The following SPP1 variants were observed in gnomAD, a reference collection of about 807,000 sequenced individuals.
SPP1 encodes secreted phosphoprotein 1, also known as osteopontin.
SPP1 carries 18 observed loss-of-function variants against 20.8 expected under a neutral mutation model. The observed-to-expected ratio is 0.87, with a 90% CI of 0.60 to 1.29. The LOEUF (loss-of-function observed/expected upper bound fraction) is 1.29, where lower values mean the gene tolerates loss of function less well. Among genes scored for constraint, SPP1 ranks in the 50% most tolerant of loss-of-function variants. SPP1 has a pLI of 0.00. For missense variants in SPP1, 363 were observed against 389.0 expected, an observed-to-expected ratio of 0.93 and a Z score of 0.56; for synonymous variants, 146 against 141.5, an observed-to-expected ratio of 1.03 and a Z score of -0.23.
intron 5 of SPP1, 158 bp downstream of exon 5, chr4:87,980,592 A>G: frequency 1.4e-6 from 1 of 698,780 alleles, no homozygotes; most frequent in East Asian, 2.8e-5. Context: ...ACTAAATATC[A>G]GAAATACTAG....
intron 5 of SPP1, 21 bp from the exon 6 acceptor site, chr4:87,981,454 C>A: frequency 6.2e-7 from 1 of 1,604,142 alleles, no homozygotes; most frequent in Non-Finnish European, 8.5e-7. Context: ...TATTAATTTT[C>A]CCGGCCATCT....
At chr4:87,981,021 A>G (rs996765560) in intron 5 of SPP1, among the ~76,000 whole-genome samples, 1 of 152,192 alleles carries the variant, frequency 6.6e-6, no homozygotes, top group Non-Finnish European at 1.5e-5. Flanking sequence ...TCAATTATCC[A>G]TGTTAATAGG....
At chr4:87,976,999 G>A in intron 2 of SPP1, 50 bp downstream of exon 2, 3 of 1,612,198 alleles carry the variant, frequency 1.9e-6, no homozygotes, top group Non-Finnish European at 1.7e-6. Flanking sequence ...ACTGAATTGT[G>A]TGCTTCCATG....
intron 3 of SPP1, among the ~76,000 whole-genome samples, chr4:87,978,678 G>A (rs1393899777): frequency 2.6e-5 from 4 of 152,018 alleles, no homozygotes; most frequent in Non-Finnish European, 5.9e-5. Context: ...CACTGCGCCC[G>A]GCTGTTTTTT....
At chr4:87,977,626 G>A (rs1036706213) in intron 3 of SPP1, 6 of 1,102,722 alleles carry the variant, frequency 5.4e-6, no homozygotes, top group African/African-American at 3.3e-5. Flanking sequence ...CCAAACATAA[G>A]ACCAACCAAA....
Position 87,979,161 on chromosome 4 carries a change from C to CT in SPP1, c.94-864dup, listed in dbSNP as rs10596032. 7.0e-3 allele frequency among the ~76,000 whole-genome samples: 748 copies of CT among 107,208 alleles called. 7 individuals are homozygous for CT. The highest frequency in any genetic ancestry group is 0.014 in the East Asian group (49 of 3,558). The allele number at this position is 107,208 out of a possible 152,430, so 70.3% of individuals were successfully genotyped here. ...AACTGAGGAACTGAATTTTTATCTT[C>CT]TTTTTTTTTTTTTTTTTTTTTGAGA... On this transcript the variant is annotated intron_variant, in intron 3 of 6. Coordinates refer to ENST00000395080, the MANE Select transcript of SPP1 (RefSeq NM_001040058.2).
At chr4:87,981,225 G>T (rs1725625708) in intron 5 of SPP1, among the ~76,000 whole-genome samples, 1 of 152,070 alleles carries the variant, frequency 6.6e-6, no homozygotes, top group South Asian at 2.1e-4. Context: ...TCACATATTT[G>T]GCTTGAAAAT....
chr4:87,977,906 T>G (rs1725450390), intron 3 of SPP1: 1 of 1,044,850 alleles, frequency 9.6e-7, no homozygotes, highest in Admixed American at 4.5e-5. Context: ...TTCAACTGAT[T>G]TGAAAATACA....
At chr4:87,980,205 T>C in intron 4 of SPP1, 79 bp downstream of exon 4, 1 of 1,545,606 alleles carries the variant, frequency 6.5e-7, no homozygotes. Flanking sequence ...CTCAGATGAA[T>C]CCTGCCTGCC....
rs147946231 is a variant in SPP1, at chr4:87,980,520, C to T, written c.216+86C>T. On this transcript the variant is annotated intron_variant, in intron 5 of 6. Coordinates refer to ENST00000395080, the MANE Select transcript of SPP1 (RefSeq NM_001040058.2). The stretch of plus-strand genomic sequence containing the variant: ...CCTGGATTCTCTTCTGATGAAATTT[C>T]ATTAGCAAGTTTTCCAGCTAATTGG... 1,281 of 1,444,828 alleles carry T rather than the reference C, an allele frequency of 8.9e-4. 13 individuals are homozygous for T. In the African/African-American group the frequency reaches 0.016, roughly 18 times the overall value. The allele number at this position is 1,444,828 out of a possible 1,614,324, so 89.5% of individuals were successfully genotyped here.
Position 87,982,737 on chromosome 4 carries a change from TAGTC to T in SPP1, c.789_792del (p.Ser263ArgfsTer24), listed in dbSNP as rs1725711977. 2 of 1,614,052 alleles carry T rather than the reference TAGTC, an allele frequency of 1.2e-6. No homozygotes were observed. Among genetic ancestry groups the T allele is most frequent in the African/African-American group, 1.3e-5 (1 of 74,926 alleles). ...GCAATGAGCATTCCGATGTGATTGATAGTCAGGAACTTTCCAAAGTCAGCCGTGA... is the reference window on the plus strand; with the variant it reads ...GCAATGAGCATTCCGATGTGATTGATAGGAACTTTCCAAAGTCAGCCGTGA... On this transcript the variant is annotated frameshift_variant, in exon 7 of 7. Transcript: ENST00000395080. LOFTEE classifies it low-confidence loss of function (END_TRUNC).
rs371560904 is a variant in SPP1, at chr4:87,980,032, C to T, written c.94-14C>T. The T allele has an allele frequency of 3.7e-6, 6 of 1,612,544 alleles. No individual in the cohort carries two copies. In the African/African-American group the frequency reaches 8.0e-5, roughly 22 times the overall value. ...TCTTTTTTTAATAATGATAAACATG[C>T]AACTTTTTTGTAGCTTTACAACAAA... On this transcript the variant is annotated splice_polypyrimidine_tract_variant and intron_variant, in intron 3 of 6. Coordinates refer to ENST00000395080, the MANE Select transcript of SPP1 (RefSeq NM_001040058.2).
At position 87,983,002 on chromosome 4, in the gene SPP1, G is replaced by A. The variant is rs1725726122; in HGVS notation, c.*106G>A. The A allele has an allele frequency of 8.8e-7, 1 of 1,137,110 alleles. No homozygotes were observed. The allele number at this position is 1,137,110 out of a possible 1,614,324, so 70.4% of individuals were successfully genotyped here. A position where few individuals can be genotyped will look rare whatever the true frequency, so the allele number is the denominator to read the frequency against. ...ATGCTTCTTTCTCAGTTTATTGGTT[G>A]AATGTGTATCTATTTGAGTCTGGAA... is the stretch of plus-strand genomic sequence containing the variant. On this transcript the variant is annotated 3_prime_UTR_variant, in exon 7 of 7. Coordinates refer to ENST00000395080, the MANE Select transcript of SPP1 (RefSeq NM_001040058.2).
intron 5 of SPP1, 33 bp from the exon 6 acceptor site, chr4:87,981,442 T>C (rs1725636654): frequency 1.3e-6 from 2 of 1,579,990 alleles, no homozygotes; most frequent in South Asian, 1.1e-5. Flanking sequence ...TAAAAACCCA[T>C]ATATTAATTT....
At position 87,982,517 on chromosome 4, in the gene SPP1, T is replaced by A. The variant is rs762490095; in HGVS notation, c.566T>A (p.Ile189Asn). ...IQYPDATDED[I>N]TSHMESEELN... ...TACCCTGATGCTACAGACGAGGACA[T>A]CACCTCACACATGGAAAGCGAGGAG... The change falls in exon 7 of 7, where the codon ATC becomes AAC. Residue 189 changes from isoleucine (I) to asparagine (N), a missense_variant. Ile to Asn is a moderately radical substitution (Grantham distance 149, BLOSUM62 -3). Transcript: ENST00000395080. 2.5e-6 allele frequency: 4 copies of A among 1,613,966 alleles called. No individual in the cohort carries two copies. The highest frequency in any genetic ancestry group is 2.2e-5 in the East Asian group (1 of 44,884).
rs777676905 is a variant in SPP1 at position 87,977,682 on chromosome 4, C to T, written c.93+585C>T. Reference sequence around the variant, plus strand: ...ACCAGCACTAAAGATGTACCTACCCCTCCACAACAGATGAAACTGTGCCAG... The same window carrying T: ...ACCAGCACTAAAGATGTACCTACCCTTCCACAACAGATGAAACTGTGCCAG... On this transcript the variant is annotated intron_variant, in intron 3 of 6. Coordinates refer to ENST00000395080, the MANE Select transcript of SPP1 (RefSeq NM_001040058.2). The T allele has an allele frequency of 8.0e-6, 10 of 1,249,868 alleles. No individual in the cohort carries two copies. In the African/African-American group the frequency reaches 1.4e-4, roughly 17 times the overall value. 77.4% of individuals were successfully genotyped at this position (1,249,868 alleles called of 1,614,324 possible).
In SPP1 at chr4:87,977,074, T is replaced by G; in HGVS notation, c.70T>G (p.Ser24Ala). Reference sequence around the variant, plus strand: ...TGTTTCTAAGGTTAAACAGGCTGATTCTGGAAGTTCTGAGGAAAAGCAGGT... The same window carrying G: ...TGTTTCTAAGGTTAAACAGGCTGATGCTGGAAGTTCTGAGGAAAAGCAGGT... Reference protein sequence around the residue: ...TCAIPVKQADSGSSEEKQLYN... With the variant: ...TCAIPVKQADAGSSEEKQLYN... Residue 24 changes from serine to alanine, a missense_variant, in exon 3 of 7, where the codon TCT (serine) becomes GCT (alanine). Physicochemically the swap from Ser to Ala is moderately conservative, Grantham distance 99. Transcript: ENST00000395080. 6.2e-7 allele frequency: 1 copy of G among 1,613,974 alleles called. No individual in the cohort carries two copies. The highest frequency in any genetic ancestry group is 8.5e-7 in the Non-Finnish European group (1 of 1,179,980).
chr4:87,981,932 T>A, intron 6 of SPP1, 134 bp downstream of exon 6: 1 of 799,704 alleles, frequency 1.3e-6, no homozygotes, highest in Admixed American at 2.9e-5. Flanking sequence ...TTCTACTTTA[T>A]GACCATTGAA....
chr4:87,978,659 GGCGTGA>G (rs1725511666), intron 3 of SPP1, among the ~76,000 whole-genome samples: 1 of 152,160 alleles, frequency 6.6e-6, no homozygotes, highest in African/African-American at 2.4e-5. Flanking sequence ...TGGGATTACA[GGCGTGA>G]GCCACTGCGC....
Sources: gnomAD v4.1 joint callset for allele counts (sites outside exome capture counted in the v4.1 genomes callset) on GRCh38, gnomAD v4.1.1 for gene constraint, MANE v1.5 for transcripts, NCBI Gene and HGNC (gene_info 2026-07-23, HGNC 2026-07-21) for gene names.